Variants in DPY19L3 observed in about 807,000 individuals in gnomAD.
DPY19L3 encodes protein C-mannosyl-transferase DPY19L3.
DPY19L3 carries 51 observed loss-of-function variants against 92.3 expected under a neutral mutation model. The ratio of observed to expected loss-of-function variants is 0.55; its 90% CI spans 0.44 to 0.70. The LOEUF (loss-of-function observed/expected upper bound fraction) is 0.70, where lower values mean the gene tolerates loss of function less well. Ranked by LOEUF, DPY19L3 falls within the 30% of genes least tolerant of loss-of-function variation. The probability of loss-of-function intolerance (pLI) is 0.00; values close to 1 mark genes in which losing one functional copy is unlikely to be tolerated. For synonymous variants in DPY19L3, 309 were observed against 315.2 expected (o/e 0.98, Z 0.21); for missense variants, 706 against 855.9 (o/e 0.82, Z 2.18).
At chr19:32,445,339 G>A (rs916675718) in intron 8 of DPY19L3, among the ~76,000 whole-genome samples, 6 of 148,770 alleles carry the variant, frequency 4.0e-5, no homozygotes, top group African/African-American at 1.5e-4. Flanking sequence ...TACTTGGTAG[G>A]CTGAGGCAGG....
In DPY19L3 at chr19:32,477,674, C is replaced by T. The variant is rs1329549867; in HGVS notation, c.1830+20C>T. The T allele has an allele frequency of 1.5e-5, 25 of 1,613,308 alleles. No homozygotes were observed. The highest frequency in any genetic ancestry group is 2.1e-5 in the Non-Finnish European group (25 of 1,179,960). ...AGAGCGGTGAGGCTCCCCAGTGCCT[C>T]CCCTCGCTTCTTGTGGGCCAGCTAT... is the stretch of plus-strand genomic sequence containing the variant. On this transcript the variant is annotated intron_variant, in intron 17 of 18. Transcript: ENST00000392250.
chr19:32,452,803 C>T (rs1162342517), intron 8 of DPY19L3, among the ~76,000 whole-genome samples: 1 of 152,066 alleles, frequency 6.6e-6, no homozygotes, highest in African/African-American at 2.4e-5. Context: ...AAGCGATTCT[C>T]CTGTCTCAGC....
chr19:32,426,214 G>A lies in DPY19L3; in HGVS notation c.238-6502G>A, dbSNP rs1166599546. 2.0e-5 allele frequency among the ~76,000 whole-genome samples: 3 copies of A among 152,162 alleles called. No individual in the cohort carries two copies. The East Asian group carries it at 5.8e-4, about 29-fold the overall frequency. On this transcript the variant is annotated intron_variant, in intron 3 of 18. Coordinates refer to ENST00000392250, the MANE Select transcript of DPY19L3 (RefSeq NM_001172774.2). ...CTTCTGCAGCTTCCTCACCTCTCTA[G>A]CCTTCACAGAATTGAAGAGAGGGCC...
At chr19:32,437,596 AT>A (rs1358680303) in intron 6 of DPY19L3, among the ~76,000 whole-genome samples, 1 of 152,138 alleles carries the variant, frequency 6.6e-6, no homozygotes, top group Non-Finnish European at 1.5e-5. Flanking sequence ...CAAACCTATT[AT>A]CTGTTTGCTG....
At chr19:32,409,925 A>G (rs1649804144) in intron 2 of DPY19L3, among the ~76,000 whole-genome samples, 1 of 152,196 alleles carries the variant, frequency 6.6e-6, no homozygotes, top group African/African-American at 2.4e-5. Flanking sequence ...GAGGGGCCGA[A>G]TAGTCAAACC....
chr19:32,475,481 C>G (rs901050401), intron 16 of DPY19L3, among the ~76,000 whole-genome samples: 1 of 152,170 alleles, frequency 6.6e-6, no homozygotes, highest in Non-Finnish European at 1.5e-5. Flanking sequence ...GTTATCGTAT[C>G]GTTGATTGCT....
At chr19:32,477,350 A>G in intron 16 of DPY19L3, 172 bp from the exon 17 acceptor site, 1 of 734,776 alleles carries the variant, frequency 1.4e-6, no homozygotes, top group Admixed American at 3.1e-5. Context: ...TTACTTTTGC[A>G]CTCAATAGTT....
At chr19:32,445,761 G>A (rs1969478851) in intron 8 of DPY19L3, among the ~76,000 whole-genome samples, 1 of 152,156 alleles carries the variant, frequency 6.6e-6, no homozygotes, top group South Asian at 2.1e-4. Context: ...AGCACTTTGG[G>A]AGGACGAGGT....
At chr19:32,412,943 A>G (rs534998542) in intron 3 of DPY19L3, 1 of 152,180 alleles carries the variant, frequency 6.6e-6, no homozygotes, top group South Asian at 2.1e-4. Context: ...AAAAAAAAGA[A>G]AAAAGTTGAG....
chr19:32,470,781 CTTTTTTT>C (rs71336911), intron 16 of DPY19L3, among the ~76,000 whole-genome samples: 14 of 91,210 alleles, frequency 1.5e-4, no homozygotes, highest in African/African-American at 3.1e-4. Flanking sequence ...ATTCCTTTGG[CTTTTTTT>C]TTTTTTTTTT....
In DPY19L3 at chr19:32,483,368, C is replaced by T. The variant is rs1278178695; in HGVS notation, c.*1128C>T. The T allele has an allele frequency of 6.6e-6, 1 of 152,552 alleles. No individual in the cohort carries two copies. Among genetic ancestry groups the T allele is most frequent in the Non-Finnish European group, 1.5e-5 (1 of 68,036 alleles). The allele number at this position is 152,552 out of a possible 1,614,324, so 9.4% of individuals were successfully genotyped here. On this transcript the variant is annotated 3_prime_UTR_variant, in exon 19 of 19. Transcript: ENST00000392250. ...TAAACAACAAAGAAGAGTATATGTA[C>T]CTGCTCAAAATTTTTTTGATAATCG...
intron 16 of DPY19L3, among the ~76,000 whole-genome samples, chr19:32,473,656 G>C (rs764795330): frequency 2.0e-5 from 3 of 152,154 alleles, no homozygotes; most frequent in Non-Finnish European, 2.9e-5. Flanking sequence ...TTTGCCTTAC[G>C]GGTAGAGTGA....
rs118151559 is a variant in DPY19L3 at position 32,422,609 on chromosome 19, G to A, written c.238-10107G>A. On this transcript the variant is annotated intron_variant, in intron 3 of 18. Transcript: ENST00000392250. ...CATTTGTGTCCCAAAAAAAGAGAAC[G>A]AGAACAATAAATCAGGAAAAACACA... 9.1e-4 allele frequency among the ~76,000 whole-genome samples: 127 copies of A among 139,878 alleles called. 1 individual carries two copies. The East Asian group carries it at 0.024, about 26-fold the overall frequency. The allele number at this position is 139,878 out of a possible 152,430, so 91.8% of individuals were successfully genotyped here. A position where few individuals can be genotyped will look rare whatever the true frequency, so the allele number is the denominator to read the frequency against.
At chr19:32,417,468 G>A (rs1297092855) in intron 3 of DPY19L3, among the ~76,000 whole-genome samples, 1 of 152,150 alleles carries the variant, frequency 6.6e-6, no homozygotes, top group South Asian at 2.1e-4. Context: ...TAACAGGTGC[G>A]TGCCACCACG....
At chr19:32,413,051 C>G (rs540902807) in intron 3 of DPY19L3, 1 of 152,160 alleles carries the variant, frequency 6.6e-6, no homozygotes, top group African/African-American at 2.4e-5. Context: ...TTTCAGAACT[C>G]GTATATAACT....
intron 3 of DPY19L3, among the ~76,000 whole-genome samples, chr19:32,425,323 G>A (rs1201054882): frequency 1.3e-5 from 2 of 152,176 alleles, no homozygotes; most frequent in Non-Finnish European, 2.9e-5. Context: ...GGCCAAGGCA[G>A]GCAGATCACT....
chr19:32,470,860 T>C (rs1970338520), intron 16 of DPY19L3, among the ~76,000 whole-genome samples: 1 of 150,834 alleles, frequency 6.6e-6, no homozygotes, highest in Admixed American at 6.6e-5. Context: ...TCTATTGTGA[T>C]CTAGTCTCAG....
chr19:32,447,697 TGA>T (rs1766485590), intron 8 of DPY19L3, among the ~76,000 whole-genome samples: 1 of 151,284 alleles, frequency 6.6e-6, no homozygotes. Context: ...GCCTGGGCAA[TGA>T]GAGCGAAACT....
rs1054154591 is a variant in DPY19L3 at position 32,483,344 on chromosome 19, A to G, written c.*1104A>G. ...GTGCCTCTAAGTCATGCTTATTTGT[A>G]AACAACAAAGAAGAGTATATGTACC... On this transcript the variant is annotated 3_prime_UTR_variant, in exon 19 of 19. Transcript: ENST00000392250. 6 of 152,638 alleles carry G rather than the reference A, an allele frequency of 3.9e-5. No homozygotes were observed. Among genetic ancestry groups the G allele is most frequent in the African/African-American group, 1.4e-4 (6 of 41,450 alleles). 9.5% of individuals were successfully genotyped at this position (152,638 alleles called of 1,614,324 possible). A position where few individuals can be genotyped will look rare whatever the true frequency, so the allele number is the denominator to read the frequency against.
Sources: allele counts gnomAD v4.1 joint callset (sites outside exome capture counted in the v4.1 genomes callset), GRCh38; gene constraint gnomAD v4.1.1; transcripts MANE v1.5; gene names NCBI Gene and HGNC (gene_info 2026-07-23, HGNC 2026-07-21).